The following RGP1 variants were observed in gnomAD, a reference collection of about 807,000 sequenced individuals.
The protein encoded by RGP1 is RGP1 partner of RAB6A GEF complex.
Under a neutral mutation model 44.5 loss-of-function variants are expected in RGP1, and 28 were observed. The observed-to-expected ratio is 0.63, with a 90% CI of 0.47 to 0.86. The LOEUF (loss-of-function observed/expected upper bound fraction) is 0.86. Ranked by LOEUF, RGP1 falls within the 40% of genes least tolerant of loss-of-function variation. The pLI, the probability that RGP1 is intolerant of heterozygous loss-of-function variation, is 0.00. For synonymous variants in RGP1, 212 were observed against 196.7 expected, an observed-to-expected ratio of 1.08 and a Z score of -0.65; for missense variants, 417 against 490.7, an observed-to-expected ratio of 0.85 and a Z score of 1.42.
chr9:35,766,961 C>T, the RGP1 span, among the ~76,000 whole-genome samples: 1 of 152,072 alleles, frequency 6.6e-6, no homozygotes, highest in Admixed American at 6.6e-5. Flanking sequence ...TTATAATGAG[C>T]CTCCATTGTA....
At position 35,750,297 on chromosome 9, in the gene RGP1, G is replaced by C. The variant is rs1242546357; in HGVS notation, c.171G>C (p.Glu57Asp). The change falls in exon 3 of 9, where the codon GAG becomes GAC. Residue 57 changes from glutamate (E) to aspartate (D), a missense_variant. By Grantham distance (45) the Glu-to-Asp change is conservative (BLOSUM62 2). Transcript: ENST00000378078. ...AQIHCQFHASESRVALPPPDS... is the reference protein window; with the variant it reads ...AQIHCQFHASDSRVALPPPDS... ...TCCACTGCCAGTTCCATGCCAGTGA[G>C]AGTCGAGTAGCACTGCCTCCTCCTG... The C allele has an allele frequency of 3.7e-6, 6 of 1,613,956 alleles. No individual in the cohort carries two copies. Among genetic ancestry groups the C allele is most frequent in the Non-Finnish European group, 5.1e-6 (6 of 1,179,858 alleles).
In RGP1 at chr9:35,752,860, A is replaced by G. The variant is rs372774064; in HGVS notation, c.1162A>G (p.Thr388Ala). Residue 388 changes from threonine to alanine, a missense_variant, in exon 9 of 9, where the codon ACC (threonine) becomes GCC (alanine). Physicochemically the swap from Thr to Ala is moderately conservative, Grantham distance 58 (BLOSUM62 0). Transcript: ENST00000378078. ...SYAAPGPSTS[T>A]ITI ...TGCTGCCCCAGGCCCCAGCACCAGC[A>G]CCATAACCATCTGAAACTGGCCCAC... The G allele has an allele frequency of 7.5e-5, 121 of 1,613,708 alleles. 1 individual carries two copies. In the African/African-American group the frequency reaches 1.0e-3, roughly 13 times the overall value.
Position 35,749,939 on chromosome 9 carries a change from C to A in RGP1, c.116+68C>A. 8.0e-7 allele frequency: 1 copy of A among 1,247,884 alleles called. No individual in the cohort carries two copies. Among genetic ancestry groups the A allele is most frequent in the Non-Finnish European group, 1.2e-6 (1 of 862,116 alleles). 77.3% of individuals were successfully genotyped at this position (1,247,884 alleles called of 1,614,324 possible). A position where few individuals can be genotyped will look rare whatever the true frequency, so the allele number is the denominator to read the frequency against. On this transcript the variant is annotated intron_variant, in intron 2 of 8. Coordinates refer to ENST00000378078, the MANE Select transcript of RGP1 (RefSeq NM_001080496.3). The surrounding 1 kb of genome is among the most constrained non-coding windows in gnomAD (Gnocchi z 4.4). ...AGCCAGATTATCTCTGGGGCTGAGG[C>A]AGAGCTCAGGTTGTCCTGTAGCGAC...
chr9:35,773,043 T>C, the RGP1 span, among the ~76,000 whole-genome samples: 1 of 152,102 alleles, frequency 6.6e-6, no homozygotes, highest in African/African-American at 2.4e-5. Flanking sequence ...ATCCTTGTGG[T>C]ACCTTAAAAA....
At chr9:35,788,609 T>C in the RGP1 span, among the ~76,000 whole-genome samples, 1 of 151,692 alleles carries the variant, frequency 6.6e-6, no homozygotes, top group Non-Finnish European at 1.5e-5. Context: ...GGGTGTTGAT[T>C]GACCCTATCC....
chr9:35,786,247 C>T, the RGP1 span, among the ~76,000 whole-genome samples: 4 of 152,194 alleles, frequency 2.6e-5, no homozygotes, highest in Admixed American at 2.6e-4. Flanking sequence ...GGACACCTTT[C>T]CCTCTTGCCA....
rs1223115138 is a variant in RGP1, at chr9:35,751,335, A to C, written c.557A>C (p.Glu186Ala). The C allele has an allele frequency of 6.2e-7, 1 of 1,614,004 alleles. No individual in the cohort carries two copies. Among genetic ancestry groups the C allele is most frequent in the South Asian group, 1.1e-5 (1 of 91,082 alleles). Residue 186 changes from glutamate (E) to alanine (A), a missense_variant, in exon 6 of 9, where the codon GAA (glutamate) becomes GCA (alanine). Transcript: ENST00000378078. ...TCCAGTCCATTCTTGGAGGAGGATG[A>C]AGGTGGGAAGAAAGATTCATGGCTA... ...APSSPFLEED[E>A]GGKKDSWLAE...
rs759856483 is a variant in RGP1, at chr9:35,749,440, G to A, written c.-20+32G>A. The A allele has an allele frequency of 1.7e-6, 1 of 592,482 alleles. No individual in the cohort carries two copies. Among genetic ancestry groups the A allele is most frequent in the Non-Finnish European group, 3.3e-6 (1 of 298,544 alleles). The allele number at this position is 592,482 out of a possible 1,614,324, so 36.7% of individuals were successfully genotyped here. A position where few individuals can be genotyped will look rare whatever the true frequency, so the allele number is the denominator to read the frequency against. On this transcript the variant is annotated intron_variant, in intron 1 of 8. Coordinates refer to ENST00000378078, the MANE Select transcript of RGP1 (RefSeq NM_001080496.3). This position sits in a 1 kb window ranked among gnomAD's most constrained non-coding sequence, Gnocchi z 4.4. Reference sequence around the variant, plus strand: ...AGCGGCGGTGATCTTGGGCTGGGACGTGGAACTTTGAGGAAAGGGGGAGCG... The same window carrying A: ...AGCGGCGGTGATCTTGGGCTGGGACATGGAACTTTGAGGAAAGGGGGAGCG...
At chr9:35,787,229 C>A in the RGP1 span, among the ~76,000 whole-genome samples, 1 of 150,540 alleles carries the variant, frequency 6.6e-6, no homozygotes, top group East Asian at 1.9e-4. Flanking sequence ...CAGCGCCCAC[C>A]GCTGCCCCCT....
rs1256456402 is a variant in RGP1 at position 35,749,906 on chromosome 9, T to TGGGAA, written c.116+37_116+41dup. 6.7e-7 allele frequency: 1 copy of TGGGAA among 1,502,682 alleles called. No individual in the cohort carries two copies. The highest frequency in any genetic ancestry group is 2.3e-5 in the East Asian group (1 of 44,238). The allele number at this position is 1,502,682 out of a possible 1,614,324, so 93.1% of individuals were successfully genotyped here. On this transcript the variant is annotated intron_variant, in intron 2 of 8. Transcript: ENST00000378078. The surrounding 1 kb of genome is among the most constrained non-coding windows in gnomAD (Gnocchi z 4.4). Reference sequence around the variant, plus strand: ...CTGGCACTGAAGGTGGTGGCCCTTCTGGGAAGAAGCCAGATTATCTCTGGG... The same window carrying TGGGAA: ...CTGGCACTGAAGGTGGTGGCCCTTCTGGGAAGGGAAGAAGCCAGATTATCTCTGGG...
downstream of RGP1, among the ~76,000 whole-genome samples, chr9:35,763,039 G>T (rs1397019819): frequency 1.3e-5 from 2 of 152,180 alleles, no homozygotes; most frequent in Non-Finnish European, 2.9e-5. Flanking sequence ...CTACAAGTCT[G>T]CCTTGTTAGA....
Position 35,750,241 on chromosome 9 carries a change from AG to A in RGP1, c.117-1del. On this transcript the variant is annotated splice_acceptor_variant, in intron 2 of 8. Coordinates refer to ENST00000378078, the MANE Select transcript of RGP1 (RefSeq NM_001080496.3). LOFTEE classifies it high-confidence loss of function. The stretch of plus-strand genomic sequence containing the variant: ...TGATGCCTCCTTTTCCTTTTCCCAC[AG>A]TGAGGCCCTGGCCTGGGCCAGTGCC... The A allele has an allele frequency of 6.2e-7, 1 of 1,612,894 alleles. No individual in the cohort carries two copies. Among genetic ancestry groups the A allele is most frequent in the Non-Finnish European group, 8.5e-7 (1 of 1,179,522 alleles).
rs1389731969 is a variant in RGP1 at position 35,751,945 on chromosome 9, C to T, written c.763-11C>T. The stretch of plus-strand genomic sequence containing the variant: ...ACTTCCTGTTAGCACACACCTGTCT[C>T]TTGCTCCCAGTTTTCAGTCAGCTTA... On this transcript the variant is annotated splice_polypyrimidine_tract_variant and intron_variant, in intron 7 of 8. Transcript: ENST00000378078. 1 of 1,564,954 alleles carries T rather than the reference C, an allele frequency of 6.4e-7. No homozygotes were observed. Among genetic ancestry groups the T allele is most frequent in the Admixed American group, 1.8e-5 (1 of 54,732 alleles).
the RGP1 span, among the ~76,000 whole-genome samples, chr9:35,781,914 A>G: frequency 3.3e-5 from 5 of 151,728 alleles, no homozygotes; most frequent in Non-Finnish European, 7.4e-5. Context: ...GTTCTATCAC[A>G]GTTATATCCA....
Position 35,754,256 on chromosome 9 carries a change from T to C in RGP1, c.*1382T>C, listed in dbSNP as rs1827325481. 8.4e-7 allele frequency: 1 copy of C among 1,195,568 alleles called. No individual in the cohort carries two copies. Among genetic ancestry groups the C allele is most frequent in the Non-Finnish European group, 1.2e-6 (1 of 866,514 alleles). 74.1% of individuals were successfully genotyped at this position (1,195,568 alleles called of 1,614,324 possible). On this transcript the variant is annotated 3_prime_UTR_variant, in exon 9 of 9. Coordinates refer to ENST00000378078, the MANE Select transcript of RGP1 (RefSeq NM_001080496.3). The stretch of plus-strand genomic sequence containing the variant: ...TGTCTTTCTCCCCTGGGCTCCTGTC[T>C]CACACTATCTCCCTGCCCTCTGCTC...
chr9:35,759,780 G>A (rs1827402747), downstream of RGP1, among the ~76,000 whole-genome samples: 1 of 151,626 alleles, frequency 6.6e-6, no homozygotes, highest in Admixed American at 6.6e-5. Flanking sequence ...TCTCCTTCTA[G>A]AAGTCCTGTC....
the RGP1 span, among the ~76,000 whole-genome samples, chr9:35,774,194 T>C: frequency 0.023 from 3,512 of 152,308 alleles, 139 homozygotes; most frequent in African/African-American, 0.081. Flanking sequence ...GAAGGGGTCA[T>C]ACCCCAGTTC....
the RGP1 span, among the ~76,000 whole-genome samples, chr9:35,787,238 CT>C: frequency 4.3e-5 from 6 of 138,440 alleles, no homozygotes; most frequent in Admixed American, 1.4e-4. Flanking sequence ...CCGCTGCCCC[CT>C]TTTTTTTTGA....
chr9:35,787,389 C>T, the RGP1 span, among the ~76,000 whole-genome samples: 2 of 152,078 alleles, frequency 1.3e-5, no homozygotes, highest in Non-Finnish European at 2.9e-5. Context: ...GCCACCACGC[C>T]CAGGTAATTT....
Sources: gnomAD v4.1 joint callset for allele counts (sites outside exome capture counted in the v4.1 genomes callset) on GRCh38, gnomAD v4.1.1 for gene constraint, Gnocchi (gnomAD v3.1) non-coding constraint, MANE v1.5 for transcripts, NCBI Gene and HGNC (gene_info 2026-07-23, HGNC 2026-07-21) for gene names.